The following IL2RG variants were observed in gnomAD, a reference collection of about 807,000 sequenced individuals.
IL2RG encodes the protein cytokine receptor common subunit gamma.
For missense variants in IL2RG, 205 were observed against 272.9 expected, an observed-to-expected ratio of 0.75 and a Z score of 1.75; for synonymous variants, 111 against 108.5, an observed-to-expected ratio of 1.02 and a Z score of -0.15.
chrX:71,111,277 G>A, intron 1 of IL2RG, 148 bp downstream of exon 1: 2 of 802,427 alleles, frequency 2.5e-6, no homozygotes, highest in East Asian at 6.9e-5. Flanking sequence ...GTAGCGTGAG[G>A]CAGGGAACCC....
chrX:71,108,195 C>T (rs1189575605), intron 7 of IL2RG, 82 bp downstream of exon 7: 39 of 737,601 alleles, frequency 5.3e-5, no homozygotes, highest in Non-Finnish European at 4.3e-6. Context: ...TCCTCTCTGC[C>T]CCCACCCCCA....
Position 71,107,697 on chromosome X carries a change from C to A in IL2RG, c.*39G>T. On this transcript the variant is annotated 3_prime_UTR_variant, in exon 8 of 8. Transcript: ENST00000374202. ...GAAGGAAAGTTAGTACCACTTAGGG[C>A]TACAGGACCCTGGGGTTCTTCTGTC... 9.4e-7 allele frequency: 1 copy of A among 1,066,169 alleles called. No homozygotes were observed. The highest frequency in any genetic ancestry group is 1.2e-6 in the Non-Finnish European group (1 of 804,473). The allele number at this position is 1,066,169 out of a possible 1,213,427, so 87.9% of individuals were successfully genotyped here.
intron 7 of IL2RG, 71 bp from the exon 8 acceptor site, chrX:71,107,992 G>A: frequency 1.1e-6 from 1 of 878,805 alleles, no homozygotes; most frequent in Non-Finnish European, 1.7e-6. Flanking sequence ...CTGTGCCAAA[G>A]GAGTACTCAT....
At chrX:71,108,209 T>C (rs975071879) in intron 7 of IL2RG, 68 bp downstream of exon 7, 1 of 813,391 alleles carries the variant, frequency 1.2e-6, no homozygotes, top group Non-Finnish European at 1.9e-6. Context: ...ACCCCCACAC[T>C]CTGTCTGTCT....
At chrX:71,109,453 C>A (rs1243659854) in intron 4 of IL2RG, 63 bp from the exon 5 acceptor site, 1 of 1,029,955 alleles carries the variant, frequency 9.7e-7, no homozygotes, top group African/African-American at 1.8e-5. Context: ...TTAAAACATA[C>A]TCCTGAACAC....
In IL2RG at chrX:71,107,838, G is replaced by A. The variant is rs2092253805; in HGVS notation, c.1008C>T (p.Pro336=). The change falls in exon 8 of 8, where the codon CCC becomes CCT. Residue 336 remains proline, a synonymous_variant. Coordinates refer to ENST00000374202, the MANE Select transcript of IL2RG (RefSeq NM_000206.3). The stretch of plus-strand genomic sequence containing the variant: ...CCTCCCCAAGGGCCCCTCCTTTTGG[G>A]GGAATCTCACTGACGAGGCAGAGTC... ...SERLCLVSEI[P]PKGGALGEGP... is the part of the protein sequence containing the mutation. The A allele has an allele frequency of 8.3e-7, 1 of 1,207,129 alleles. No homozygotes were observed. The highest frequency in any genetic ancestry group is 1.1e-6 in the Non-Finnish European group (1 of 892,255).
rs2092260483 is a variant in IL2RG at position 71,110,189 on chromosome X, C to T, written c.561G>A (p.Val187=). Residue 187 remains valine (V), a synonymous_variant, in exon 4 of 8, where the codon GTG becomes GTA. Coordinates refer to ENST00000374202, the MANE Select transcript of IL2RG (RefSeq NM_000206.3). ...RFLNHCLEHL[V]QYRTDWDHSW... The stretch of plus-strand genomic sequence containing the variant: ...TGTGGTCCCAGTCAGTCCGGTACTG[C>T]ACCAAGTGCTCCAAACAGTGGTTCA... The T allele has an allele frequency of 8.3e-7, 1 of 1,208,609 alleles. No individual in the cohort carries two copies. The highest frequency in any genetic ancestry group is 1.8e-5 in the South Asian group (1 of 56,812).
At chrX:71,109,130 T>A in intron 5 of IL2RG, 98 bp downstream of exon 5, 1 of 884,316 alleles carries the variant, frequency 1.1e-6, no homozygotes, top group South Asian at 2.1e-5. Context: ...GGCACCAAGT[T>A]TAGGGGCTTT....
chrX:71,108,648 A>T lies in IL2RG; in HGVS notation c.805T>A (p.Ser269Thr), dbSNP rs1341371028. ...AGAAGGCTGATAATCAATCCCATGGAGCCAACAGAGATAACCACGGCTTCC... is the reference window on the plus strand; with the variant it reads ...AGAAGGCTGATAATCAATCCCATGGTGCCAACAGAGATAACCACGGCTTCC... ...ALEAVVISVG[S>T]MGLIISLLCV... Residue 269 changes from serine (S) to threonine (T), a missense_variant, in exon 6 of 8, where the codon TCC becomes ACC. Ser to Thr is a moderately conservative substitution (Grantham distance 58). Transcript: ENST00000374202. 2 of 1,198,471 alleles carry T rather than the reference A, an allele frequency of 1.7e-6. No homozygotes were observed. Among genetic ancestry groups the T allele is most frequent in the Non-Finnish European group, 2.3e-6 (2 of 887,431 alleles).
chrX:71,109,231 T>G lies in IL2RG; in HGVS notation c.754A>C (p.Lys252Gln). ...GGGTCATGTGGGCCCATTTTACCTT[T>G]TGAAGTATTGCTCCCCCAGTGGATT... ...HPIHWGSNTS[K>Q]ENPFLFALEA... is the part of the protein sequence containing the mutation. Residue 252 changes from lysine (K) to glutamine (Q), a missense_variant, in exon 5 of 8, where the codon AAA becomes CAA. Transcript: ENST00000374202. 1 of 1,210,800 alleles carries G rather than the reference T, an allele frequency of 8.3e-7. No individual in the cohort carries two copies. The highest frequency in any genetic ancestry group is 1.8e-5 in the South Asian group (1 of 56,948).
Position 71,108,299 on chromosome X carries a change from G to A in IL2RG, c.902C>T (p.Thr301Ile). 8.3e-7 allele frequency: 1 copy of A among 1,206,347 alleles called. No individual in the cohort carries two copies. Among genetic ancestry groups the A allele is most frequent in the Non-Finnish European group, 1.1e-6 (1 of 890,490 alleles). ...PTLKNLEDLV[T>I]EYHGNFSAWS... is the part of the protein sequence containing the mutation. ...CACCGAAAAGTTCCCGTGGTATTCA[G>A]TAACAAGATCCTCTAGGTTCTTCAG... The change falls in exon 7 of 8, where the codon ACT becomes ATT. Residue 301 changes from threonine (T) to isoleucine (I), a missense_variant. Physicochemically the swap from Thr to Ile is moderately conservative, Grantham distance 89. Transcript: ENST00000374202.
intron 5 of IL2RG, 115 bp from the exon 6 acceptor site, chrX:71,108,810 A>G: frequency 8.1e-6 from 4 of 496,438 alleles, no homozygotes; most frequent in Non-Finnish European, 1.4e-5. Context: ...TCCTCACAAC[A>G]GCTCCTGTGA....
chrX:71,108,344 G>C lies in IL2RG; in HGVS notation c.857C>G (p.Thr286Arg), dbSNP rs767758983. 3.4e-6 allele frequency: 4 copies of C among 1,180,228 alleles called. No individual in the cohort carries two copies. Among genetic ancestry groups the C allele is most frequent in the Non-Finnish European group, 4.6e-6 (4 of 868,204 alleles). Residue 286 changes from threonine (T) to arginine (R), a missense_variant and splice_region_variant, in exon 7 of 8, where the codon ACG (threonine) becomes AGG (arginine). Coordinates refer to ENST00000374202, the MANE Select transcript of IL2RG (RefSeq NM_000206.3). ...LLCVYFWLER[T>R]MPRIPTLKNL... ...CTTCAGGGTGGGAATTCGGGGCATC[G>C]TCCTGACAGGGGAGAAAGAGGGAGC...
In IL2RG at chrX:71,111,020, G is replaced by T; in HGVS notation, c.146C>A (p.Ser49Tyr). The change falls in exon 2 of 8, where the codon TCC becomes TAC. Residue 49 changes from serine to tyrosine, a missense_variant. Physicochemically the swap from Ser to Tyr is moderately radical, Grantham distance 144. Transcript: ENST00000374202. The stretch of plus-strand genomic sequence containing the variant: ...GAGGGGCAGAGTGGAAACACTGAGG[G>T]AGTCAGTGGGCATAGTGGTCAGGAA... ...DFFLTTMPTDSLSVSTLPLPE... is the reference protein window; with the variant it reads ...DFFLTTMPTDYLSVSTLPLPE... 8.3e-7 allele frequency: 1 copy of T among 1,202,606 alleles called. No homozygotes were observed. Among genetic ancestry groups the T allele is most frequent in the Non-Finnish European group, 1.1e-6 (1 of 889,408 alleles).
rs7888057 is a variant in IL2RG, at chrX:71,108,849, C to G, written c.758-154G>C. 3.0e-3 allele frequency among the ~76,000 whole-genome samples: 334 copies of G among 113,011 alleles called. 1 individual carries two copies. The highest frequency in any genetic ancestry group is 0.01 in the African/African-American group (322 of 31,137). On this transcript the variant is annotated intron_variant, in intron 5 of 7. Coordinates refer to ENST00000374202, the MANE Select transcript of IL2RG (RefSeq NM_000206.3). ...AGGAACAATTACCTCCATCTTACATCTTAGGAAACAGAATCCAAGAGTTTA... is the reference window on the plus strand; with the variant it reads ...AGGAACAATTACCTCCATCTTACATGTTAGGAAACAGAATCCAAGAGTTTA...
rs372674011 is a variant in IL2RG at position 71,111,095 on chromosome X, T to C, written c.116-45A>G. ...AAGGCAGGGAGGGAAAGAGAAATGA[T>C]GGTCAGAAGGAGGAGGCCAAGCACG... On this transcript the variant is annotated intron_variant, in intron 1 of 7. Coordinates refer to ENST00000374202, the MANE Select transcript of IL2RG (RefSeq NM_000206.3). 7.3e-5 allele frequency: 81 copies of C among 1,108,559 alleles called. No individual in the cohort carries two copies. The African/African-American group carries it at 1.4e-3, about 19-fold the overall frequency. The allele number at this position is 1,108,559 out of a possible 1,213,427, so 91.4% of individuals were successfully genotyped here.
At position 71,110,935 on chromosome X, in the gene IL2RG, G is replaced by A. The variant is rs1556330951; in HGVS notation, c.231C>T (p.Ser77=). 8.3e-7 allele frequency: 1 copy of A among 1,210,674 alleles called. No individual in the cohort carries two copies. Among genetic ancestry groups the A allele is most frequent in the Non-Finnish European group, 1.1e-6 (1 of 894,793 alleles). Residue 77 remains serine (S), a synonymous_variant, in exon 2 of 8, where the codon AGC becomes AGT. Transcript: ENST00000374202. Reference sequence around the variant, plus strand: ...TGAGGTTGGTAGGCTGGGGCTCAGAGCTGCTGTTCCAAGTGCAATTCATGT... The same window carrying A: ...TGAGGTTGGTAGGCTGGGGCTCAGAACTGCTGTTCCAAGTGCAATTCATGT... ...VEYMNCTWNS[S]SEPQPTNLTL...
intron 2 of IL2RG, 89 bp from the exon 3 acceptor site, chrX:71,110,777 C>T (rs1050891535): frequency 2.3e-5 from 25 of 1,086,671 alleles, no homozygotes; most frequent in Admixed American, 4.6e-5. Context: ...TCCCCTCAAC[C>T]GACTTATGAC....
chrX:71,110,998 G>A lies in IL2RG; in HGVS notation c.168C>T (p.Pro56=), dbSNP rs1486748518. The A allele has an allele frequency of 8.3e-7, 1 of 1,205,836 alleles. No homozygotes were observed. The highest frequency in any genetic ancestry group is 1.8e-5 in the South Asian group (1 of 56,115). The change falls in exon 2 of 8, where the codon CCC becomes CCT. Residue 56 remains proline, a synonymous_variant. Coordinates refer to ENST00000374202, the MANE Select transcript of IL2RG (RefSeq NM_000206.3). ...PTDSLSVSTL[P]LPEVQCFVFN... ...ACACAAAACACTGAACCTCTGGGAG[G>A]GGCAGAGTGGAAACACTGAGGGAGT...
Sources: gnomAD v4.1 joint callset for allele counts (sites outside exome capture counted in the v4.1 genomes callset) on GRCh38, gnomAD v4.1.1 for gene constraint, MANE v1.5 for transcripts, NCBI Gene and HGNC (gene_info 2026-07-23, HGNC 2026-07-21) for gene names.